The following HABP4 variants were observed in gnomAD, a reference collection of about 807,000 sequenced individuals.
HABP4 encodes the protein hyaluronan binding protein 4, also known as intracellular hyaluronan-binding protein 4.
Under a neutral mutation model 44.1 loss-of-function variants are expected in HABP4, and 32 were observed. That is an observed-to-expected ratio of 0.73 (90% CI 0.55 to 0.97). HABP4 has a LOEUF of 0.97. Ranked by LOEUF, HABP4 falls within the 50% of genes least tolerant of loss-of-function variation. HABP4 has a pLI of 0.00. For synonymous variants in HABP4, 216 were observed against 218.0 expected (o/e 0.99, Z 0.08); for missense variants, 503 against 561.9 (o/e 0.90, Z 1.06).
intron 5 of HABP4, among the ~76,000 whole-genome samples, chr9:96,477,146 A>T (rs554048436): frequency 2.6e-5 from 4 of 152,212 alleles, no homozygotes; most frequent in African/African-American, 9.6e-5. Flanking sequence ...TGTAAAATCT[A>T]TTCTTTCTAG....
chr9:96,451,846 G>GT (rs200374174), intron 1 of HABP4, among the ~76,000 whole-genome samples: 10 of 152,146 alleles, frequency 6.6e-5, no homozygotes, highest in African/African-American at 2.4e-4. Flanking sequence ...TTTATATCCT[G>GT]TTTTTTATCT....
At chr9:96,459,658 A>C (rs1230902708) in intron 2 of HABP4, among the ~76,000 whole-genome samples, 1 of 152,158 alleles carries the variant, frequency 6.6e-6, no homozygotes, top group African/African-American at 2.4e-5. Context: ...CTGCTTCTTG[A>C]CTGCTAATTC....
intron 1 of HABP4, among the ~76,000 whole-genome samples, chr9:96,452,226 C>CAAA (rs74398822): frequency 2.7e-5 from 3 of 109,278 alleles, no homozygotes; most frequent in African/African-American, 7.0e-5. Context: ...GACTCCGTCA[C>CAAA]AAAAAAAAAA....
At position 96,484,504 on chromosome 9, in the gene HABP4, G is replaced by A; in HGVS notation, c.870G>A (p.Glu290=). ...TAGAAGAAGAAACCCAAGTTCAAGA[G>A]ATGACTTTAGATGAGTGGAAAAATC... ...LEVEEETQVQ[E]MTLDEWKNLQ... Residue 290 remains glutamate (E), a synonymous_variant, in exon 6 of 8, where the codon GAG becomes GAA. Transcript: ENST00000375249. 1 of 1,574,482 alleles carries A rather than the reference G, an allele frequency of 6.4e-7. No homozygotes were observed. The highest frequency in any genetic ancestry group is 8.7e-7 in the Non-Finnish European group (1 of 1,144,452).
chr9:96,457,855 G>A (rs1832422154), intron 1 of HABP4, among the ~76,000 whole-genome samples: 1 of 152,160 alleles, frequency 6.6e-6, no homozygotes, highest in Non-Finnish European at 1.5e-5. Flanking sequence ...CTGGGTGACA[G>A]AGCAAGACTC....
At chr9:96,460,740 C>T (rs771260746) in intron 2 of HABP4, among the ~76,000 whole-genome samples, 14 of 152,166 alleles carry the variant, frequency 9.2e-5, no homozygotes, top group African/African-American at 1.7e-4. Context: ...GATGTTTCCT[C>T]GTGGAATGAG....
chr9:96,468,346 C>T (rs1832640891), intron 4 of HABP4, among the ~76,000 whole-genome samples: 1 of 151,798 alleles, frequency 6.6e-6, no homozygotes, highest in Non-Finnish European at 1.5e-5. Flanking sequence ...CAACCTCTCC[C>T]TCCCAGGTTC....
Position 96,450,201 on chromosome 9 carries a change from G to A in HABP4, c.-79G>A. On this transcript the variant is annotated 5_prime_UTR_variant, in exon 1 of 8. Transcript: ENST00000375249. The surrounding 1 kb of genome is among the most constrained non-coding windows in gnomAD (Gnocchi z 4.8). ...GGAGGGCGGTGGCGGCGGAGCGGGC[G>A]GCATGGGTCCTGGCCGCCGGCTTCG... is the stretch of plus-strand genomic sequence containing the variant. 2 of 1,217,808 alleles carry A rather than the reference G, an allele frequency of 1.6e-6. No individual in the cohort carries two copies. Among genetic ancestry groups the A allele is most frequent in the Non-Finnish European group, 2.1e-6 (2 of 973,932 alleles). The allele number at this position is 1,217,808 out of a possible 1,614,324, so 75.4% of individuals were successfully genotyped here.
Position 96,458,417 on chromosome 9 carries a change from T to C in HABP4, c.388T>C (p.Trp130Arg), listed in dbSNP as rs772134365. The change falls in exon 2 of 8, where the codon TGG (tryptophan) becomes CGG (arginine). Residue 130 changes from tryptophan (W) to arginine (R), a missense_variant. Trp to Arg is a moderately radical substitution (Grantham distance 101, BLOSUM62 -3). This residue lies in a region of HABP4 where 290 missense variants were observed against 300.5 expected (regional missense o/e 0.97). Coordinates refer to ENST00000375249, the MANE Select transcript of HABP4 (RefSeq NM_014282.4). ...RTPRRGEQQG[W>R]NDSRGPEGML... is the part of the protein sequence containing the mutation. ...TCCTAGAAGAGGGGAGCAGCAAGGA[T>C]GGAATGACAGCCGTGGGCCGGAGGG... 29 of 1,613,830 alleles carry C rather than the reference T, an allele frequency of 1.8e-5. No individual in the cohort carries two copies. Among genetic ancestry groups the C allele is most frequent in the Non-Finnish European group, 2.1e-5 (25 of 1,179,962 alleles).
At chr9:96,481,569 C>G (rs1490716456) in intron 5 of HABP4, among the ~76,000 whole-genome samples, 1 of 151,884 alleles carries the variant, frequency 6.6e-6, no homozygotes, top group East Asian at 2.0e-4. Flanking sequence ...ATGGAGAGAC[C>G]CCGTCTCTAC....
chr9:96,469,976 A>G (rs1005911564), intron 4 of HABP4, among the ~76,000 whole-genome samples: 3 of 152,296 alleles, frequency 2.0e-5, no homozygotes, highest in South Asian at 4.1e-4. Flanking sequence ...GAGGACATCT[A>G]TGATTTTTCT....
chr9:96,471,014 T>C lies in HABP4; in HGVS notation c.747T>C (p.Asp249=). ...RTWGSGKDTS[D]VEPTAPMEEP... is the part of the protein sequence containing the mutation. The stretch of plus-strand genomic sequence containing the variant: ...AGAGGGTCTTGCTGTTTTTCAGTGA[T>C]GTGGAGCCAACTGCACCGATGGAGG... Residue 249 remains aspartate, a synonymous_variant, in exon 5 of 8, where the codon GAT becomes GAC. Transcript: ENST00000375249. The C allele has an allele frequency of 2.5e-6, 4 of 1,582,820 alleles. No homozygotes were observed. Among genetic ancestry groups the C allele is most frequent in the Non-Finnish European group, 3.5e-6 (4 of 1,151,488 alleles).
chr9:96,479,169 G>A (rs1004994271), intron 5 of HABP4, among the ~76,000 whole-genome samples: 1 of 152,104 alleles, frequency 6.6e-6, no homozygotes, highest in African/African-American at 2.4e-5. Flanking sequence ...TTTTTACCTA[G>A]ACTGCTTGTT....
At chr9:96,459,273 A>G (rs1410414247) in intron 2 of HABP4, among the ~76,000 whole-genome samples, 4 of 152,180 alleles carry the variant, frequency 2.6e-5, no homozygotes, top group East Asian at 3.8e-4. Context: ...TCCTAGCTCC[A>G]CGGTCAGGTC....
intron 1 of HABP4, among the ~76,000 whole-genome samples, chr9:96,451,120 G>T (rs959193149): frequency 6.6e-6 from 1 of 152,190 alleles, no homozygotes; most frequent in Non-Finnish European, 1.5e-5. Context: ...GGCCTGTGAC[G>T]TCGGGGCCCG....
intron 1 of HABP4, among the ~76,000 whole-genome samples, chr9:96,458,173 T>G (rs1386363847): frequency 6.6e-6 from 1 of 152,230 alleles, no homozygotes; most frequent in Admixed American, 6.5e-5. Flanking sequence ...AGGGAAAGCA[T>G]GATTTAATAG....
Position 96,488,012 on chromosome 9 carries a change from C to A in HABP4, c.1000-77C>A, listed in dbSNP as rs958295915. 1 of 997,086 alleles carries A rather than the reference C, an allele frequency of 1.0e-6. No individual in the cohort carries two copies. The allele number at this position is 997,086 out of a possible 1,614,324, so 61.8% of individuals were successfully genotyped here. A position where few individuals can be genotyped will look rare whatever the true frequency, so the allele number is the denominator to read the frequency against. On this transcript the variant is annotated intron_variant, in intron 6 of 7. Transcript: ENST00000375249. This position sits in a 1 kb window ranked among gnomAD's most constrained non-coding sequence, Gnocchi z 4.6. ...ATGGTGTTTTAGCTCCTGTGTAGCA[C>A]ACTGCAGCCACTAAGCCAGATGAGT...
chr9:96,485,791 G>A (rs1832966434), intron 6 of HABP4, among the ~76,000 whole-genome samples: 1 of 152,070 alleles, frequency 6.6e-6, no homozygotes, highest in African/African-American at 2.4e-5. Context: ...GTGGGAGTGA[G>A]CAGGTAGCAG....
intron 6 of HABP4, among the ~76,000 whole-genome samples, chr9:96,487,242 C>G (rs142359180): frequency 6.8e-6 from 1 of 147,814 alleles, no homozygotes; most frequent in East Asian, 1.9e-4. Context: ...TGTTGTAGCA[C>G]TTTGGAGATT....
Sources: gnomAD v4.1 joint callset for allele counts (sites outside exome capture counted in the v4.1 genomes callset) on GRCh38, gnomAD v4.1.1 for gene constraint, gnomAD v4.1.1 regional missense constraint, Gnocchi (gnomAD v3.1) non-coding constraint, MANE v1.5 for transcripts, NCBI Gene and HGNC (gene_info 2026-07-23, HGNC 2026-07-21) for gene names.